The following PKN3 variants were observed in gnomAD, a reference collection of about 807,000 sequenced individuals.
PKN3 encodes protein kinase N3, also known as serine/threonine-protein kinase N3.
A neutral mutation model predicts 113.1 loss-of-function variants in PKN3; 91 were observed. That is an observed-to-expected ratio of 0.80 (90% CI 0.68 to 0.96). The LOEUF is 0.96. Ranked by LOEUF, PKN3 falls within the 40% of genes least tolerant of loss-of-function variation. The probability of loss-of-function intolerance (pLI) is 0.00; values close to 1 mark genes in which losing one functional copy is unlikely to be tolerated. For missense variants in PKN3, 1,052 were observed against 1,202.2 expected, an observed-to-expected ratio of 0.88 and a Z score of 1.85; for synonymous variants, 467 against 499.0, an observed-to-expected ratio of 0.94 and a Z score of 0.85.
chr9:128,713,950 C>T, intron 9 of PKN3, 96 bp from the exon 10 acceptor site: 1 of 1,280,070 alleles, frequency 7.8e-7, no homozygotes, highest in Non-Finnish European at 1.1e-6. Context: ...ATCTGTTGAC[C>T]CTGGGGGCTT....
intron 6 of PKN3, among the ~76,000 whole-genome samples, chr9:128,711,533 C>T (rs920131393): frequency 3.5e-5 from 5 of 144,866 alleles, no homozygotes; most frequent in East Asian, 4.2e-4. Context: ...CTCCTGACCT[C>T]GTGATCTGCC....
Position 128,715,527 on chromosome 9 carries a change from A to C in PKN3, c.1808+67A>C. On this transcript the variant is annotated intron_variant, in intron 15 of 21. Coordinates refer to ENST00000291906, the MANE Select transcript of PKN3 (RefSeq NM_013355.5). This position sits in a 1 kb window ranked among gnomAD's most constrained non-coding sequence, Gnocchi z 4.1. ...GGCTGTGGCATCCAGAGGGCAGTTG[A>C]AGGTTCCTGGGGCTTTGGAGAGGTG... is the stretch of plus-strand genomic sequence containing the variant. The C allele has an allele frequency of 7.9e-7, 1 of 1,261,916 alleles. No individual in the cohort carries two copies. The highest frequency in any genetic ancestry group is 1.2e-6 in the Non-Finnish European group (1 of 866,396). 78.2% of individuals were successfully genotyped at this position (1,261,916 alleles called of 1,614,324 possible).
At chr9:128,703,708 G>A (rs367572227) in intron 1 of PKN3, 13 of 985,278 alleles carry the variant, frequency 1.3e-5, no homozygotes, top group African/African-American at 3.5e-5. Context: ...CAGGGCAGAC[G>A]GGACCATGGG....
intron 6 of PKN3, 41 bp from the exon 7 acceptor site, chr9:128,713,011 A>C: frequency 6.4e-7 from 1 of 1,554,564 alleles, no homozygotes; most frequent in Non-Finnish European, 8.7e-7. Flanking sequence ...AGCAGTGGGA[A>C]GATGGCATCT....
chr9:128,705,169 G>T, intron 1 of PKN3, 134 bp from the exon 2 acceptor site: 3 of 1,144,294 alleles, frequency 2.6e-6, no homozygotes, highest in Non-Finnish European at 3.7e-6. Flanking sequence ...GGGGAGAGAG[G>T]CTTCCAAAAC....
chr9:128,716,395 C>T (rs1862339263), intron 15 of PKN3, among the ~76,000 whole-genome samples: 2 of 150,536 alleles, frequency 1.3e-5, no homozygotes, highest in Admixed American at 6.6e-5. Flanking sequence ...GCCAAGAGTT[C>T]GAGACCAGCC....
intron 16 of PKN3, 21 bp downstream of exon 16, chr9:128,716,944 C>T: frequency 6.2e-7 from 1 of 1,609,114 alleles, no homozygotes; most frequent in South Asian, 1.1e-5. Flanking sequence ...TCCCTCCTGC[C>T]TGCCTCTTCC....
In PKN3 at chr9:128,720,124, G is replaced by C. The variant is rs1862487423; in HGVS notation, c.2377-79G>C. ...GCCACCCATCCTTAGAGCGCTCTGG[G>C]CCAGCGTGCTTGGGGCCTGTGGATG... On this transcript the variant is annotated intron_variant, in intron 20 of 21. Coordinates refer to ENST00000291906, the MANE Select transcript of PKN3 (RefSeq NM_013355.5). The surrounding 1 kb of genome is among the most constrained non-coding windows in gnomAD (Gnocchi z 5.5). 1 of 1,543,386 alleles carries C rather than the reference G, an allele frequency of 6.5e-7. No homozygotes were observed. Among genetic ancestry groups the C allele is most frequent in the Non-Finnish European group, 8.9e-7 (1 of 1,119,978 alleles).
chr9:128,713,947 G>T, intron 9 of PKN3, 99 bp from the exon 10 acceptor site: 1 of 1,239,394 alleles, frequency 8.1e-7, no homozygotes, highest in South Asian at 1.2e-5. Flanking sequence ...TGCATCTGTT[G>T]ACCCTGGGGG....
In PKN3 at chr9:128,720,482, A is replaced by C; in HGVS notation, c.2546A>C (p.Glu849Ala). ...LCGPADLRYF[E>A]GEFTGLPPAL... Reference sequence around the variant, plus strand: ...GGCCCTGCGGACCTGCGCTACTTTGAGGGCGAGTTCACAGGGCTGCCGCCT... The same window carrying C: ...GGCCCTGCGGACCTGCGCTACTTTGCGGGCGAGTTCACAGGGCTGCCGCCT... The change falls in exon 22 of 22, where the codon GAG becomes GCG. Residue 849 changes from glutamate to alanine, a missense_variant. Glu to Ala is a moderately radical substitution (Grantham distance 107). Around this residue, in one of 2 missense-constraint regions of PKN3, gnomAD observed 333 missense variants for 442.8 expected, o/e 0.75. Transcript: ENST00000291906. This position sits in a 1 kb window ranked among gnomAD's most constrained non-coding sequence, Gnocchi z 5.5. The C allele has an allele frequency of 6.2e-7, 1 of 1,613,046 alleles. No homozygotes were observed. The highest frequency in any genetic ancestry group is 8.5e-7 in the Non-Finnish European group (1 of 1,179,970).
In PKN3 at chr9:128,714,817, T is replaced by C; in HGVS notation, c.1604T>C (p.Met535Thr). 6.2e-7 allele frequency: 1 copy of C among 1,614,002 alleles called. No homozygotes were observed. The highest frequency in any genetic ancestry group is 2.2e-5 in the East Asian group (1 of 44,878). The change falls in exon 13 of 22, where the codon ATG (methionine) becomes ACG (threonine). Residue 535 changes from methionine to threonine, a missense_variant. By Grantham distance (81) the Met-to-Thr change is moderately conservative (BLOSUM62 -1). Coordinates refer to ENST00000291906, the MANE Select transcript of PKN3 (RefSeq NM_013355.5). ...EETPRTKRPH[M>T]EPRTRRGPSP... ...TCACAGCGCACCAAACGTCCCCATA[T>C]GGAGCCTAGGACTCGACGTGGGCCA... is the stretch of plus-strand genomic sequence containing the variant.
chr9:128,707,175 C>T, intron 5 of PKN3, 47 bp from the exon 6 acceptor site: 1 of 1,581,766 alleles, frequency 6.3e-7, no homozygotes, highest in Non-Finnish European at 8.6e-7. Context: ...GCTGCTGCCC[C>T]CTGCCATATA....
Position 128,706,766 on chromosome 9 carries a change from G to A in PKN3, c.465G>A (p.Lys155=), listed in dbSNP as rs1208125946. The A allele has an allele frequency of 6.2e-7, 1 of 1,609,002 alleles. No homozygotes were observed. Among genetic ancestry groups the A allele is most frequent in the Admixed American group, 1.7e-5 (1 of 59,534 alleles). ...AQQMLRDSQL[K]VALLRMKISS... is the part of the protein sequence containing the mutation. ...AGATGCTGCGGGACAGCCAGCTGAA[G>A]GTGGCCCTGCTGCGGATGAAGATCA... The change falls in exon 4 of 22, where the codon AAG becomes AAA. Residue 155 remains lysine (K), a synonymous_variant. Coordinates refer to ENST00000291906, the MANE Select transcript of PKN3 (RefSeq NM_013355.5).
At chr9:128,712,552 A>G (rs1055688473) in intron 6 of PKN3, among the ~76,000 whole-genome samples, 2 of 152,094 alleles carry the variant, frequency 1.3e-5, no homozygotes, top group African/African-American at 4.8e-5. Flanking sequence ...CCCTGTCCCA[A>G]GCTCTTATCC....
Position 128,720,310 on chromosome 9 carries a change from CCT to C in PKN3, c.2457+28_2457+29del, listed in dbSNP as rs757389083. Reference sequence around the variant, plus strand: ...TGAGCGGCTGGGGTGGCGGTGGTCCCCTGTGCCTGGCAGGGTAGGTGGCATGG... The same window carrying C: ...TGAGCGGCTGGGGTGGCGGTGGTCCCGTGCCTGGCAGGGTAGGTGGCATGG... On this transcript the variant is annotated intron_variant, in intron 21 of 21. Transcript: ENST00000291906. This position sits in a 1 kb window ranked among gnomAD's most constrained non-coding sequence, Gnocchi z 5.5. The C allele has an allele frequency of 3.3e-5, 54 of 1,612,722 alleles. No homozygotes were observed. The highest frequency in any genetic ancestry group is 4.2e-5 in the Non-Finnish European group (50 of 1,179,274).
intron 1 of PKN3, chr9:128,704,129 G>A: frequency 1.0e-6 from 1 of 985,444 alleles, no homozygotes; most frequent in Non-Finnish European, 1.2e-6. Context: ...AACACAGAGA[G>A]GTAAGATGGG....
chr9:128,711,488 T>A (rs1443306026), intron 6 of PKN3, among the ~76,000 whole-genome samples: 1 of 150,862 alleles, frequency 6.6e-6, no homozygotes, highest in Non-Finnish European at 1.5e-5. Context: ...TTTTTTGTAT[T>A]TTTAGTAGAG....
At position 128,719,762 on chromosome 9, in the gene PKN3, G is replaced by A. The variant is rs1024428276; in HGVS notation, c.2202G>A (p.Glu734=). 1.2e-6 allele frequency: 2 copies of A among 1,606,726 alleles called. No homozygotes were observed. Among genetic ancestry groups the A allele is most frequent in the Admixed American group, 1.7e-5 (1 of 59,606 alleles). Residue 734 remains glutamate, a synonymous_variant, in exon 19 of 22, where the codon GAG becomes GAA. Transcript: ENST00000291906. ...TGGCTCCCGAGGTGCTGACCCAGGA[G>A]GCATACACACGGGCTGTGGACTGGT... The part of the protein sequence containing the change: ...EFLAPEVLTQ[E]AYTRAVDWWG...
At position 128,703,795 on chromosome 9, in the gene PKN3, C is replaced by G. The variant is rs1235602520; in HGVS notation, c.24+856C>G. 8 of 985,304 alleles carry G rather than the reference C, an allele frequency of 8.1e-6. No homozygotes were observed. In the East Asian group the frequency reaches 7.9e-4, roughly 98 times the overall value. The allele number at this position is 985,304 out of a possible 1,614,324, so 61.0% of individuals were successfully genotyped here. A position where few individuals can be genotyped will look rare whatever the true frequency, so the allele number is the denominator to read the frequency against. ...GCCGCCTTCAGGGCTGGGGCTCGGT[C>G]TGCCCCCTCCCACCCCCTTCCTCTG... On this transcript the variant is annotated intron_variant, in intron 1 of 21. Coordinates refer to ENST00000291906, the MANE Select transcript of PKN3 (RefSeq NM_013355.5).
Sources: allele counts gnomAD v4.1 joint callset (sites outside exome capture counted in the v4.1 genomes callset), GRCh38; gene constraint gnomAD v4.1.1; regional missense constraint gnomAD v4.1.1; non-coding constraint Gnocchi (gnomAD v3.1); transcripts MANE v1.5; gene names NCBI Gene and HGNC (gene_info 2026-07-23, HGNC 2026-07-21).